The following ESRRG variants were observed in gnomAD, a reference collection of about 807,000 sequenced individuals.
ESRRG encodes estrogen related receptor gamma.
In ESRRG, 13 loss-of-function variants were observed where a neutral mutation model predicts 44.0. The observed-to-expected ratio is 0.30, with a 90% CI of 0.19 to 0.47. ESRRG has a LOEUF of 0.47. Ranked by LOEUF, ESRRG falls within the 20% of genes least tolerant of loss-of-function variation. ESRRG has a pLI of 1.00. For synonymous variants in ESRRG, 215 were observed against 214.6 expected (o/e 1.00, Z -0.02); for missense variants, 395 against 580.6 (o/e 0.68, Z 3.29).
chr1:217,023,698 G>GTC (rs915893043), intron 1 of ESRRG, among the ~76,000 whole-genome samples: 4 of 152,174 alleles, frequency 2.6e-5, no homozygotes, highest in African/African-American at 9.7e-5. Context: ...TCCTTGGCGT[G>GTC]TCTCTGTCAC....
intron 2 of ESRRG, among the ~76,000 whole-genome samples, chr1:216,671,055 T>A (rs2075073122): frequency 6.6e-6 from 1 of 152,192 alleles, no homozygotes. Flanking sequence ...GCTGTACTCT[T>A]GTCCTAGGTC....
rs186506188 is a variant in ESRRG, at chr1:216,710,004, T to C, written c.56+13240A>G. Among the ~76,000 whole-genome samples the C allele has an allele frequency of 3.2e-3, 489 of 152,282 alleles. 3 individuals carry two copies. The highest frequency in any genetic ancestry group is 0.011 in the African/African-American group (458 of 41,552). Reference sequence around the variant, plus strand: ...ATTTTCTGCATGTGTTTTGAGTTTATAGTTTTAAAAAAAGAGAAAATGAGT... The same window carrying C: ...ATTTTCTGCATGTGTTTTGAGTTTACAGTTTTAAAAAAAGAGAAAATGAGT... On this transcript the variant is annotated intron_variant, in intron 1 of 6. Coordinates refer to ENST00000408911, the MANE Select transcript of ESRRG (RefSeq NM_001438.4).
chr1:216,513,194 G>C (rs2043217175), intron 6 of ESRRG, among the ~76,000 whole-genome samples: 1 of 152,054 alleles, frequency 6.6e-6, no homozygotes, highest in African/African-American at 2.4e-5. Context: ...GTTTTCTTTT[G>C]CATTAAAATG....
chr1:216,886,037 C>G (rs533322041), intron 2 of ESRRG, among the ~76,000 whole-genome samples: 1 of 151,834 alleles, frequency 6.6e-6, no homozygotes, highest in South Asian at 2.1e-4. Flanking sequence ...TCATGGGTTT[C>G]TGAAGATACT....
intron 6 of ESRRG, among the ~76,000 whole-genome samples, chr1:216,517,278 C>A (rs2044624801): frequency 6.6e-6 from 1 of 152,166 alleles, no homozygotes; most frequent in African/African-American, 2.4e-5. Context: ...GAGGTAGTCA[C>A]TTCCTCTCCC....
At position 216,677,996 on chromosome 1, in the gene ESRRG, T is replaced by A. The variant is rs185164368; in HGVS notation, c.57-505A>T. On this transcript the variant is annotated intron_variant, in intron 1 of 6. Coordinates refer to ENST00000408911, the MANE Select transcript of ESRRG (RefSeq NM_001438.4). ...TTTTATTATGAGCAGAATAAAACTT[T>A]TATTTTCAAGACTGAACAGATGATC... Among the ~76,000 whole-genome samples the A allele has an allele frequency of 3.9e-5, 6 of 152,374 alleles. No homozygotes were observed. In the East Asian group the frequency reaches 1.2e-3, roughly 29 times the overall value.
At chr1:217,051,058 C>T (rs187862462) in intron 1 of ESRRG, among the ~76,000 whole-genome samples, 16 of 152,064 alleles carry the variant, frequency 1.1e-4, no homozygotes, top group East Asian at 1.9e-4. Flanking sequence ...AAAAAGAAAT[C>T]GGGAAGAAAG....
intron 2 of ESRRG, among the ~76,000 whole-genome samples, chr1:216,917,716 G>T (rs2061365244): frequency 6.6e-6 from 1 of 152,180 alleles, no homozygotes; most frequent in Non-Finnish European, 1.5e-5. Context: ...TTGTGTGTTT[G>T]TTGAACGATT....
At chr1:216,682,297 C>G (rs975407963) in intron 1 of ESRRG, among the ~76,000 whole-genome samples, 7 of 152,062 alleles carry the variant, frequency 4.6e-5, no homozygotes, top group African/African-American at 1.7e-4. Context: ...ATATCTATAC[C>G]AATAGTAAAC....
chr1:217,010,398 C>T (rs1395405105), intron 1 of ESRRG, among the ~76,000 whole-genome samples: 1 of 152,120 alleles, frequency 6.6e-6, no homozygotes, highest in African/African-American at 2.4e-5. Flanking sequence ...TGAAAAGCAA[C>T]CCCACCCCTG....
intron 5 of ESRRG, among the ~76,000 whole-genome samples, chr1:216,529,954 A>C (rs1227283764): frequency 2.6e-5 from 4 of 151,864 alleles, no homozygotes; most frequent in African/African-American, 9.7e-5. Context: ...TCTACTAAAT[A>C]TATAAAAATT....
intron 1 of ESRRG, among the ~76,000 whole-genome samples, chr1:216,689,663 T>C (rs2078699545): frequency 6.6e-6 from 1 of 152,056 alleles, no homozygotes; most frequent in African/African-American, 2.4e-5. Context: ...TGAAAGAAGA[T>C]AAACTGTTTT....
At chr1:216,668,324 G>T (rs2074415253) in intron 2 of ESRRG, among the ~76,000 whole-genome samples, 1 of 152,080 alleles carries the variant, frequency 6.6e-6, no homozygotes, top group South Asian at 2.1e-4. Context: ...AATACCATTG[G>T]CATATACCCC....
At chr1:217,133,634 T>TTA (rs2092999443) in intron 1 of ESRRG, among the ~76,000 whole-genome samples, 1 of 39,138 alleles carries the variant, frequency 2.6e-5, no homozygotes, top group South Asian at 1.2e-3. Context: ...TCTTTCTTTC[T>TTA]CTCTCTCTCT....
chr1:217,060,173 A>AG (rs57562146), intron 1 of ESRRG, among the ~76,000 whole-genome samples: 82,380 of 151,584 alleles, frequency 0.54, 22,970 homozygotes, highest in Non-Finnish European at 0.6. Context: ...ACAATATACT[A>AG]GCCATGCATT....
intron 1 of ESRRG, among the ~76,000 whole-genome samples, chr1:216,957,694 T>A (rs3098287): frequency 0.66 from 99,688 of 152,042 alleles, 35,784 homozygotes; most frequent in Non-Finnish European, 0.82. Context: ...GCATCCCGAC[T>A]GGTTTCCCTG....
At chr1:216,609,852 C>A (rs2060397370) in intron 3 of ESRRG, among the ~76,000 whole-genome samples, 1 of 152,144 alleles carries the variant, frequency 6.6e-6, no homozygotes, top group African/African-American at 2.4e-5. Context: ...AAAATCTTGG[C>A]CTACATTTCT....
chr1:216,917,329 G>A (rs776487879), intron 2 of ESRRG, among the ~76,000 whole-genome samples: 37 of 151,966 alleles, frequency 2.4e-4, no homozygotes, highest in Non-Finnish European at 4.7e-4. Flanking sequence ...GTGACTATAC[G>A]AGTGTGAGTA....
chr1:216,586,528 C>G (rs1483306971), intron 3 of ESRRG, among the ~76,000 whole-genome samples: 1 of 150,576 alleles, frequency 6.6e-6, no homozygotes, highest in Non-Finnish European at 1.5e-5. Context: ...ATAAAGCACT[C>G]TGTGTCAACT....
Sources: allele counts gnomAD v4.1 joint callset (sites outside exome capture counted in the v4.1 genomes callset), GRCh38; gene constraint gnomAD v4.1.1; transcripts MANE v1.5; gene names NCBI Gene and HGNC (gene_info 2026-07-23, HGNC 2026-07-21).